The following KHDRBS2 variants were observed in gnomAD, a reference collection of about 807,000 sequenced individuals.
KHDRBS2 encodes KH RNA binding domain containing, signal transduction associated 2.
KHDRBS2 carries 26 observed loss-of-function variants against 44.3 expected under a neutral mutation model. The observed-to-expected ratio is 0.59, with a 90% CI of 0.43 to 0.81. KHDRBS2 has a LOEUF of 0.81. Among genes scored for constraint, KHDRBS2 ranks in the 40% least tolerant of loss-of-function variants. The pLI, the probability that KHDRBS2 is intolerant of heterozygous loss-of-function variation, is 0.00. For missense variants in KHDRBS2, 476 were observed against 433.1 expected (o/e 1.10, Z -0.88); for synonymous variants, 194 against 151.1 (o/e 1.28, Z -2.08).
chr6:61,955,628 A>ATG (rs140268945), intron 4 of KHDRBS2, among the ~76,000 whole-genome samples: 48,304 of 89,102 alleles, frequency 0.54, 18,096 homozygotes, highest in African/African-American at 0.75. Flanking sequence ...GTATGCATAC[A>ATG]TGTGTATATA....
chr6:62,093,780 T>C (rs1051036777), intron 2 of KHDRBS2, among the ~76,000 whole-genome samples: 9 of 151,672 alleles, frequency 5.9e-5, no homozygotes, highest in African/African-American at 2.2e-4. Context: ...TTTAACATAA[T>C]GCCATTCAGA....
intron 4 of KHDRBS2, among the ~76,000 whole-genome samples, chr6:61,977,255 C>T (rs1772867967): frequency 6.6e-6 from 1 of 152,082 alleles, no homozygotes; most frequent in Non-Finnish European, 1.5e-5. Flanking sequence ...GCCAGACGCT[C>T]CAGAAAACTG....
intron 7 of KHDRBS2, among the ~76,000 whole-genome samples, chr6:61,725,001 C>G (rs1176869706): frequency 6.6e-6 from 1 of 152,044 alleles, no homozygotes; most frequent in South Asian, 2.1e-4. Context: ...AAAACAAGAG[C>G]ATATACATTC....
chr6:61,722,121 G>T (rs894730591), intron 7 of KHDRBS2, among the ~76,000 whole-genome samples: 6 of 152,132 alleles, frequency 3.9e-5, no homozygotes, highest in Admixed American at 3.9e-4. Context: ...GAATCCCAGG[G>T]ATGAAGCCCA....
At chr6:62,273,014 G>A (rs986495158) in intron 1 of KHDRBS2, among the ~76,000 whole-genome samples, 4 of 152,072 alleles carry the variant, frequency 2.6e-5, no homozygotes, top group South Asian at 2.1e-4. Context: ...GGAAAAAAAA[G>A]GGATACATAA....
chr6:61,595,948 T>C, the KHDRBS2 span, among the ~76,000 whole-genome samples: 5 of 152,158 alleles, frequency 3.3e-5, no homozygotes, highest in Non-Finnish European at 7.3e-5. Flanking sequence ...TTTCTAGTCA[T>C]CTTGGGTTTC....
At chr6:62,206,147 C>T (rs566802515) in intron 1 of KHDRBS2, among the ~76,000 whole-genome samples, 225 of 152,232 alleles carry the variant, frequency 1.5e-3, no homozygotes, top group African/African-American at 4.8e-3. Flanking sequence ...GAGAACCTCA[C>T]TAAAAGTATC....
At chr6:61,554,836 C>T in the KHDRBS2 span, among the ~76,000 whole-genome samples, 1 of 152,172 alleles carries the variant, frequency 6.6e-6, no homozygotes, top group East Asian at 1.9e-4. Flanking sequence ...GATGTAGGCT[C>T]CTAACCCCTT....
At chr6:61,603,578 T>C in the KHDRBS2 span, among the ~76,000 whole-genome samples, 3 of 152,304 alleles carry the variant, frequency 2.0e-5, no homozygotes, top group Non-Finnish European at 2.9e-5. Flanking sequence ...TGTTTTAGCC[T>C]AGCCTCATGT....
intron 1 of KHDRBS2, among the ~76,000 whole-genome samples, chr6:62,244,269 A>C (rs942451366): frequency 6.6e-5 from 10 of 152,184 alleles, no homozygotes; most frequent in Non-Finnish European, 1.5e-4. Context: ...TATACTTAAA[A>C]AAGTATTTAT....
At chr6:61,998,077 T>G in intron 3 of KHDRBS2, among the ~76,000 whole-genome samples, 1 of 152,186 alleles carries the variant, frequency 6.6e-6, no homozygotes, top group East Asian at 1.9e-4. Flanking sequence ...TTACATAATT[T>G]ACTTATTGTG....
chr6:61,938,222 C>T (rs9363541), intron 4 of KHDRBS2, among the ~76,000 whole-genome samples: 59,795 of 151,552 alleles, frequency 0.39, 11,892 homozygotes, highest in Admixed American at 0.47. Flanking sequence ...ATAAAATGTG[C>T]TAACATAAGA....
chr6:61,907,905 TA>T (rs1161828022), intron 4 of KHDRBS2, among the ~76,000 whole-genome samples: 2 of 152,208 alleles, frequency 1.3e-5, no homozygotes, highest in African/African-American at 2.4e-5. Context: ...TATAAAACTT[TA>T]CAGATTTGAG....
the KHDRBS2 span, among the ~76,000 whole-genome samples, chr6:61,598,588 T>G: frequency 6.6e-6 from 1 of 152,126 alleles, no homozygotes; most frequent in East Asian, 1.9e-4. Context: ...GAATTGCAAA[T>G]TGGTACCCAA....
chr6:61,798,654 C>A (rs1056013194), intron 6 of KHDRBS2, among the ~76,000 whole-genome samples: 2 of 151,902 alleles, frequency 1.3e-5, no homozygotes, highest in Admixed American at 6.6e-5. Context: ...AAATAATTAT[C>A]TTTTTCTTCT....
At chr6:61,739,068 T>A (rs1313553392) in intron 6 of KHDRBS2, among the ~76,000 whole-genome samples, 1 of 151,926 alleles carries the variant, frequency 6.6e-6, no homozygotes, top group Non-Finnish European at 1.5e-5. Context: ...TTAAACCTTT[T>A]ACTGACATAA....
At chr6:61,755,799 C>CAA (rs34625585) in intron 6 of KHDRBS2, among the ~76,000 whole-genome samples, 1,272 of 106,180 alleles carry the variant, frequency 0.012, 16 homozygotes, top group Non-Finnish European at 0.015. Flanking sequence ...GACTCTGTCT[C>CAA]AAAAAAAAAA....
chr6:61,682,447 C>CA (rs764555182), intron 8 of KHDRBS2, among the ~76,000 whole-genome samples: 3 of 151,808 alleles, frequency 2.0e-5, no homozygotes, highest in Non-Finnish European at 4.4e-5. Flanking sequence ...TCCCATTGCT[C>CA]AAAATACAGG....
chr6:62,192,707 T>G (rs1824874577), intron 1 of KHDRBS2, among the ~76,000 whole-genome samples: 1 of 152,164 alleles, frequency 6.6e-6, no homozygotes, highest in African/African-American at 2.4e-5. Flanking sequence ...GAATGTGACC[T>G]GCTTCACATA....
Sources: allele counts gnomAD v4.1 joint callset (sites outside exome capture counted in the v4.1 genomes callset), GRCh38; gene constraint gnomAD v4.1.1; transcripts MANE v1.5; gene names NCBI Gene and HGNC (gene_info 2026-07-23, HGNC 2026-07-21).